DEPDC1B: variants seen among roughly 807,000 people sequenced by gnomAD.
The protein encoded by DEPDC1B is DEP domain-containing protein 1B.
A neutral mutation model predicts 66.5 loss-of-function variants in DEPDC1B; 51 were observed. The observed-to-expected ratio is 0.77, with a 90% CI of 0.61 to 0.97. The LOEUF is 0.97. DEPDC1B is among the 50% of genes least tolerant of loss of function. The pLI, the probability that DEPDC1B is intolerant of heterozygous loss-of-function variation, is 0.00. For synonymous variants in DEPDC1B, 226 were observed against 223.6 expected, an observed-to-expected ratio of 1.01 and a Z score of -0.10; for missense variants, 552 against 637.1, an observed-to-expected ratio of 0.87 and a Z score of 1.44.
chr5:60,635,892 G>C (rs1185828854), intron 7 of DEPDC1B, among the ~76,000 whole-genome samples: 5 of 152,160 alleles, frequency 3.3e-5, no homozygotes, highest in Admixed American at 2.6e-4. Flanking sequence ...TTTTCATGGT[G>C]AATTTATGTG....
At chr5:60,652,690 T>C (rs1449744674) in intron 2 of DEPDC1B, among the ~76,000 whole-genome samples, 2 of 148,960 alleles carry the variant, frequency 1.3e-5, no homozygotes, top group Non-Finnish European at 2.9e-5. Context: ...TTCTGAGATT[T>C]TGGTGCACCC....
intron 10 of DEPDC1B, 31 bp downstream of exon 10, chr5:60,599,043 GA>G: frequency 1.3e-6 from 2 of 1,529,398 alleles, no homozygotes; most frequent in South Asian, 1.3e-5. Context: ...GTAGGGAGGA[GA>G]AAAAATGGCT....
chr5:60,676,177 A>G (rs1754154995), intron 2 of DEPDC1B, among the ~76,000 whole-genome samples: 2 of 150,548 alleles, frequency 1.3e-5, no homozygotes, highest in South Asian at 4.2e-4. Context: ...TGATCTGCCC[A>G]CCTCAGCCAC....
intron 1 of DEPDC1B, among the ~76,000 whole-genome samples, chr5:60,696,152 TTC>T (rs1754649390): frequency 6.6e-6 from 1 of 152,164 alleles, no homozygotes; most frequent in Non-Finnish European, 1.5e-5. Context: ...CTTTTTTCAG[TTC>T]TCAGAATTTT....
Position 60,620,288 on chromosome 5 carries a change from C to T in DEPDC1B, c.899-14432G>A, listed in dbSNP as rs1243498439. ...GGCAACAAAAGCCAAAATTGACAAA[C>T]AGGATCTAATTAAACTAAAGAGCTT... On this transcript the variant is annotated intron_variant, in intron 7 of 10. Coordinates refer to ENST00000265036, the MANE Select transcript of DEPDC1B (RefSeq NM_018369.3). 6.6e-5 allele frequency among the ~76,000 whole-genome samples: 10 copies of T among 152,212 alleles called. No individual in the cohort carries two copies. The South Asian group carries it at 1.7e-3, about 25-fold the overall frequency.
Position 60,667,614 on chromosome 5 carries a change from TA to T in DEPDC1B, c.314+19347del, listed in dbSNP as rs1482392392. On this transcript the variant is annotated intron_variant, in intron 2 of 10. Coordinates refer to ENST00000265036, the MANE Select transcript of DEPDC1B (RefSeq NM_018369.3). ...TAAAAATGGATATTTTACATATATATAAAAAATGGATATTTTACATATATGA... is the reference window on the plus strand; with the variant it reads ...TAAAAATGGATATTTTACATATATATAAAAATGGATATTTTACATATATGA... Among the ~76,000 whole-genome samples, 7 of 141,826 alleles carry T rather than the reference TA, an allele frequency of 4.9e-5. No individual in the cohort carries two copies. The East Asian group carries it at 6.3e-4, about 13-fold the overall frequency. The allele number at this position is 141,826 out of a possible 152,430, so 93.0% of individuals were successfully genotyped here. A position where few individuals can be genotyped will look rare whatever the true frequency, so the allele number is the denominator to read the frequency against.
At chr5:60,633,831 T>C (rs1227934098) in intron 7 of DEPDC1B, among the ~76,000 whole-genome samples, 1 of 152,242 alleles carries the variant, frequency 6.6e-6, no homozygotes, top group Non-Finnish European at 1.5e-5. Flanking sequence ...AGAATCCTAA[T>C]TGAAAGTAAT....
At chr5:60,617,125 C>T (rs1349408374) in intron 7 of DEPDC1B, among the ~76,000 whole-genome samples, 1 of 152,136 alleles carries the variant, frequency 6.6e-6, no homozygotes, top group East Asian at 1.9e-4. Context: ...CCTAAAAGAG[C>T]TCCTGAAGGA....
At chr5:60,606,397 G>C (rs996101899) in intron 7 of DEPDC1B, among the ~76,000 whole-genome samples, 9 of 151,890 alleles carry the variant, frequency 5.9e-5, no homozygotes, top group Non-Finnish European at 1.2e-4. Flanking sequence ...TTTCCACTTA[G>C]GCTATCTTTC....
At position 60,597,254 on chromosome 5, in the gene DEPDC1B, T is replaced by C. The variant is rs1277374119; in HGVS notation, c.*499A>G. On this transcript the variant is annotated 3_prime_UTR_variant, in exon 11 of 11. Coordinates refer to ENST00000265036, the MANE Select transcript of DEPDC1B (RefSeq NM_018369.3). The stretch of plus-strand genomic sequence containing the variant: ...ACAATATAAGACATTAAAAAATTTA[T>C]GTGCAGCAATAAAAACTGGAATTTA... The C allele has an allele frequency of 2.0e-5, 3 of 152,936 alleles. No individual in the cohort carries two copies. The highest frequency in any genetic ancestry group is 7.2e-5 in the African/African-American group (3 of 41,472). 9.5% of individuals were successfully genotyped at this position (152,936 alleles called of 1,614,324 possible).
chr5:60,651,339 C>A (rs1293810981), intron 2 of DEPDC1B, among the ~76,000 whole-genome samples: 1 of 151,978 alleles, frequency 6.6e-6, no homozygotes, highest in Non-Finnish European at 1.5e-5. Context: ...ACCAGCCTGG[C>A]CAACATCGTG....
intron 7 of DEPDC1B, among the ~76,000 whole-genome samples, chr5:60,636,596 C>A (rs1001657090): frequency 1.3e-5 from 2 of 152,064 alleles, no homozygotes; most frequent in Non-Finnish European, 2.9e-5. Context: ...AGATATTTAC[C>A]TTTTCCCACA....
chr5:60,623,350 C>T (rs2111794158), intron 7 of DEPDC1B, among the ~76,000 whole-genome samples: 1 of 152,200 alleles, frequency 6.6e-6, no homozygotes, highest in East Asian at 1.9e-4. Context: ...CTTATGCCAA[C>T]ACCACACTAA....
At chr5:60,688,924 C>A (rs537215452) in intron 1 of DEPDC1B, 13 of 419,460 alleles carry the variant, frequency 3.1e-5, no homozygotes, top group South Asian at 2.1e-4. Flanking sequence ...TATTTAGGAA[C>A]CTCGTTTTGT....
intron 7 of DEPDC1B, among the ~76,000 whole-genome samples, chr5:60,635,317 G>A (rs1033436956): frequency 6.6e-6 from 1 of 152,212 alleles, no homozygotes; most frequent in African/African-American, 2.4e-5. Context: ...CTGCTCCAGA[G>A]GGTCTCCTTG....
intron 7 of DEPDC1B, among the ~76,000 whole-genome samples, chr5:60,615,434 G>T (rs981489306): frequency 2.6e-5 from 4 of 152,126 alleles, no homozygotes; most frequent in African/African-American, 9.7e-5. Context: ...TGGAAAATCG[G>T]GTCACTCTCA....
chr5:60,661,668 G>T (rs980554167), intron 2 of DEPDC1B, among the ~76,000 whole-genome samples: 4 of 152,208 alleles, frequency 2.6e-5, no homozygotes, highest in African/African-American at 9.7e-5. Context: ...TAATGTTACT[G>T]CTAGATCAGA....
chr5:60,696,804 C>CTTGCCACA (rs2112054682), intron 1 of DEPDC1B, among the ~76,000 whole-genome samples: 22 of 152,196 alleles, frequency 1.4e-4, no homozygotes, highest in African/African-American at 5.1e-4. Context: ...ATAAGACATA[C>CTTGCCACA]ACCTACTGCT....
chr5:60,616,994 A>G (rs541374880), intron 7 of DEPDC1B, among the ~76,000 whole-genome samples: 7 of 152,174 alleles, frequency 4.6e-5, no homozygotes, highest in African/African-American at 1.7e-4. Context: ...AACATTCCTG[A>G]AGGAAAGAAT....
Sources: gnomAD v4.1 joint callset for allele counts (sites outside exome capture counted in the v4.1 genomes callset) on GRCh38, gnomAD v4.1.1 for gene constraint, MANE v1.5 for transcripts, NCBI Gene and HGNC (gene_info 2026-07-23, HGNC 2026-07-21) for gene names.